Variants in CCDC126 observed in about 807,000 individuals in gnomAD.
CCDC126 encodes the protein coiled-coil domain containing 126, also known as coiled-coil domain-containing protein 126.
CCDC126 carries 5 observed loss-of-function variants against 11.7 expected under a neutral mutation model. The observed-to-expected ratio is 0.43, with a 90% CI of 0.22 to 0.90. CCDC126 has a LOEUF of 0.90. Ranked by LOEUF, CCDC126 falls within the 40% of genes least tolerant of loss-of-function variation. CCDC126 has a pLI of 0.27. For missense variants in CCDC126, 150 were observed against 163.1 expected (o/e 0.92, Z 0.44); for synonymous variants, 60 against 61.9 (o/e 0.97, Z 0.14).
chr7:23,607,159 G>GT (rs938621224), intron 2 of CCDC126, among the ~76,000 whole-genome samples: 11 of 152,038 alleles, frequency 7.2e-5, no homozygotes, highest in African/African-American at 2.2e-4. Flanking sequence ...CAAGTTTTGT[G>GT]TTTTTTTTAA....
chr7:23,605,445 TA>T (rs1239582177), intron 2 of CCDC126, among the ~76,000 whole-genome samples: 1 of 145,008 alleles, frequency 6.9e-6, no homozygotes, highest in Non-Finnish European at 1.5e-5. Context: ...GTGTGTGTGG[TA>T]AAAAAATACA....
chr7:23,628,748 C>G (rs1187431168), intron 3 of CCDC126, among the ~76,000 whole-genome samples: 2 of 152,200 alleles, frequency 1.3e-5, no homozygotes, highest in African/African-American at 4.8e-5. Context: ...ACGAACTGTT[C>G]ATCTCCCTTC....
chr7:23,622,542 C>T, intron 3 of CCDC126: 1 of 526,832 alleles, frequency 1.9e-6, no homozygotes, highest in Non-Finnish European at 3.9e-6. Context: ...TGTCTGTATG[C>T]CAGGTGTATC....
At chr7:23,597,809 C>T (rs1226733051) in intron 1 of CCDC126, 158 bp from the exon 2 acceptor site, 1 of 152,210 alleles carries the variant, frequency 6.6e-6, no homozygotes, top group East Asian at 1.9e-4. Context: ...TGGGCCGCGT[C>T]TCTGCCCCTC....
At chr7:23,635,901 G>A (rs1324479071) in intron 3 of CCDC126, among the ~76,000 whole-genome samples, 2 of 151,616 alleles carry the variant, frequency 1.3e-5, no homozygotes, top group Non-Finnish European at 2.9e-5. Context: ...CTCTCCCCAC[G>A]GTCTCCTTCC....
In CCDC126 at chr7:23,614,840, A is replaced by G. The variant is rs140728038; in HGVS notation, c.238+3287A>G. Among the ~76,000 whole-genome samples the G allele has an allele frequency of 5.7e-3, 864 of 152,330 alleles. 11 individuals are homozygous for G. The highest frequency in any genetic ancestry group is 0.02 in the African/African-American group (833 of 41,570). ...AACAGTAGGTCTTAGTGGGCTTAAA[A>G]TGTTCAGTAACTCATTCTGTAAACA... On this transcript the variant is annotated intron_variant, in intron 3 of 3. Transcript: ENST00000307471.
At chr7:23,607,741 AG>A (rs1424289240) in intron 2 of CCDC126, among the ~76,000 whole-genome samples, 4 of 152,226 alleles carry the variant, frequency 2.6e-5, no homozygotes, top group Non-Finnish European at 5.9e-5. Flanking sequence ...TACAGGGCCT[AG>A]CCTACCCTGG....
At chr7:23,619,516 C>T in intron 3 of CCDC126, 2 of 335,060 alleles carry the variant, frequency 6.0e-6, no homozygotes, top group Non-Finnish European at 5.9e-6. Context: ...ATGTAATGCA[C>T]AGCTGGGCCC....
At chr7:23,599,469 A>AGTGTGT (rs1040988751) in intron 2 of CCDC126, among the ~76,000 whole-genome samples, 3 of 151,316 alleles carry the variant, frequency 2.0e-5, no homozygotes, top group Non-Finnish European at 2.9e-5. Flanking sequence ...AGTGCTGCAT[A>AGTGTGT]GTGTGTGTCT....
rs890958613 is a variant in CCDC126, at chr7:23,625,243, TTG to T, written c.238+13696_238+13697del. Among the ~76,000 whole-genome samples the T allele has an allele frequency of 6.0e-4, 91 of 152,328 alleles. 2 individuals are homozygous for T. Among genetic ancestry groups the T allele is most frequent in the African/African-American group, 2.1e-3 (88 of 41,568 alleles). ...TGTTTTATTTAGTGCTGTGGTGTAT[TTG>T]TGTGTATGAAATATATGTGTGTGTA... On this transcript the variant is annotated intron_variant, in intron 3 of 3. Transcript: ENST00000307471.
At chr7:23,630,497 G>GTCAA (rs1226677577) in intron 3 of CCDC126, among the ~76,000 whole-genome samples, 8 of 150,720 alleles carry the variant, frequency 5.3e-5, no homozygotes, top group Non-Finnish European at 1.0e-4. Flanking sequence ...GACTGTTTCA[G>GTCAA]TCAATCAATC....
chr7:23,622,633 T>G, intron 3 of CCDC126: 1 of 535,924 alleles, frequency 1.9e-6, no homozygotes, highest in Non-Finnish European at 3.8e-6. Flanking sequence ...TAGCCAAGGA[T>G]CCAAGGTTTG....
intron 2 of CCDC126, among the ~76,000 whole-genome samples, chr7:23,609,607 C>A (rs1782673246): frequency 1.3e-5 from 2 of 152,176 alleles, no homozygotes; most frequent in Admixed American, 1.3e-4. Context: ...GTGGCTTATG[C>A]CTCTAATCCC....
At position 23,643,952 on chromosome 7, in the gene CCDC126, G is replaced by C. The variant is rs1204707429; in HGVS notation, c.*837G>C. The C allele has an allele frequency of 6.6e-6, 1 of 152,042 alleles. No individual in the cohort carries two copies. The highest frequency in any genetic ancestry group is 1.5e-5 in the Non-Finnish European group (1 of 67,950). 9.4% of individuals were successfully genotyped at this position (152,042 alleles called of 1,614,324 possible). ...AATCCTTTGAGTGTCTATGCTATCA[G>C]GAAAGCACATTATTTCCATATTTGG... On this transcript the variant is annotated 3_prime_UTR_variant, in exon 4 of 4. Coordinates refer to ENST00000307471, the MANE Select transcript of CCDC126 (RefSeq NM_138771.4).
At chr7:23,615,406 G>C (rs1237842531) in intron 3 of CCDC126, among the ~76,000 whole-genome samples, 2 of 152,196 alleles carry the variant, frequency 1.3e-5, no homozygotes, top group African/African-American at 4.8e-5. Context: ...GTTTTATCCA[G>C]ACCACTCAAA....
chr7:23,623,525 G>C lies in CCDC126; in HGVS notation c.238+11972G>C, dbSNP rs369489077. Among the ~76,000 whole-genome samples, 19 of 151,320 alleles carry C rather than the reference G, an allele frequency of 1.3e-4. 1 individual carries two copies. The East Asian group carries it at 3.3e-3, about 26-fold the overall frequency. ...GCAGGAGAGTCACTTGAACCCAGAA[G>C]GCAGAGGTTGTGGTGGGCCGAAGTT... On this transcript the variant is annotated intron_variant, in intron 3 of 3. Transcript: ENST00000307471.
intron 3 of CCDC126, among the ~76,000 whole-genome samples, chr7:23,619,819 A>G (rs1432746122): frequency 6.9e-6 from 1 of 144,958 alleles, no homozygotes; most frequent in Non-Finnish European, 1.5e-5. Flanking sequence ...CCTATGAGTG[A>G]GAACATGCGG....
rs557908362 is a variant in CCDC126 at position 23,599,124 on chromosome 7, G to A, written c.-146+1073G>A. Among the ~76,000 whole-genome samples the A allele has an allele frequency of 7.2e-5, 11 of 152,310 alleles. No individual in the cohort carries two copies. The East Asian group carries it at 1.2e-3, about 16-fold the overall frequency. Reference sequence around the variant, plus strand: ...CAGAAATAAGAATCTCTACCAGCCAGTTATCACTCTCTCATGAGCTGCACA... The same window carrying A: ...CAGAAATAAGAATCTCTACCAGCCAATTATCACTCTCTCATGAGCTGCACA... On this transcript the variant is annotated intron_variant, in intron 2 of 3. Coordinates refer to ENST00000307471, the MANE Select transcript of CCDC126 (RefSeq NM_138771.4).
chr7:23,612,243 G>T (rs980586578), intron 3 of CCDC126, among the ~76,000 whole-genome samples: 2 of 151,552 alleles, frequency 1.3e-5, no homozygotes, highest in Non-Finnish European at 2.9e-5. Flanking sequence ...GATTGCTGGA[G>T]CCCAGGAGTT....
Sources: allele counts gnomAD v4.1 joint callset (sites outside exome capture counted in the v4.1 genomes callset), GRCh38; gene constraint gnomAD v4.1.1; transcripts MANE v1.5; gene names NCBI Gene and HGNC (gene_info 2026-07-23, HGNC 2026-07-21).